Variants in MTUS2 observed in about 807,000 individuals in gnomAD.
MTUS2 encodes the protein microtubule associated scaffold protein 2, also known as microtubule-associated tumor suppressor candidate 2.
MTUS2 carries 40 observed loss-of-function variants against 114.1 expected under a neutral mutation model. That is an observed-to-expected ratio of 0.35 (90% confidence interval 0.27 to 0.46). MTUS2 has a LOEUF of 0.46. MTUS2 is among the 20% of genes least tolerant of loss of function. MTUS2 has a pLI of 1.00. For missense variants in MTUS2, 1,679 were observed against 1,705.4 expected (o/e 0.98, Z 0.27); for synonymous variants, 688 against 672.0 (o/e 1.02, Z -0.37).
chr13:28,971,867 T>A (rs1242127141), intron 2 of MTUS2, among the ~76,000 whole-genome samples: 1 of 152,222 alleles, frequency 6.6e-6, no homozygotes, highest in Non-Finnish European at 1.5e-5. Context: ...CCATTTTTCA[T>A]GTTTTCTGCC....
intron 2 of MTUS2, among the ~76,000 whole-genome samples, chr13:28,901,490 G>A (rs924139691): frequency 6.6e-6 from 1 of 152,198 alleles, no homozygotes; most frequent in South Asian, 2.1e-4. Flanking sequence ...AAATTTTCAG[G>A]TCTCACATGT....
intron 5 of MTUS2, among the ~76,000 whole-genome samples, chr13:29,118,235 G>C (rs1891169577): frequency 6.6e-6 from 1 of 151,808 alleles, no homozygotes; most frequent in Non-Finnish European, 1.5e-5. Context: ...GCCTAGAATA[G>C]TGATACTGGC....
At chr13:29,212,780 C>T (rs1371854687) in intron 5 of MTUS2, among the ~76,000 whole-genome samples, 2 of 152,272 alleles carry the variant, frequency 1.3e-5, no homozygotes, top group South Asian at 2.1e-4. Context: ...GGTTGCTCCA[C>T]CCTATTGATA....
In MTUS2 at chr13:29,477,021, T is replaced by G. The variant is rs372117908; in HGVS notation, c.3185-3129T>G. 3.3e-5 allele frequency: 5 copies of G among 152,340 alleles called. No individual in the cohort carries two copies. In the South Asian group the frequency reaches 6.2e-4, roughly 19 times the overall value. 9.4% of individuals were successfully genotyped at this position (152,340 alleles called of 1,614,324 possible). Reference sequence around the variant, plus strand: ...ATGATACGTGAGGCAAAAGCCACTATGAAGCTACTGCACATTGAATTTTAG... The same window carrying G: ...ATGATACGTGAGGCAAAAGCCACTAGGAAGCTACTGCACATTGAATTTTAG... On this transcript the variant is annotated intron_variant, in intron 9 of 15. Transcript: ENST00000612955.
chr13:29,000,377 A>G (rs1035427192), intron 2 of MTUS2, among the ~76,000 whole-genome samples: 1 of 150,510 alleles, frequency 6.6e-6, no homozygotes, highest in African/African-American at 2.4e-5. Context: ...TTTCTTTTTT[A>G]TTGAGTTGGA....
intron 8 of MTUS2, among the ~76,000 whole-genome samples, chr13:29,388,851 A>G (rs1872814030): frequency 6.6e-6 from 1 of 151,970 alleles, no homozygotes; most frequent in Non-Finnish European, 1.5e-5. Context: ...ATGATTTTTG[A>G]TGGGCCCATT....
intron 4 of MTUS2, among the ~76,000 whole-genome samples, chr13:29,049,836 GT>G (rs1887808276): frequency 6.6e-6 from 1 of 152,222 alleles, no homozygotes; most frequent in African/African-American, 2.4e-5. Flanking sequence ...TAGTCAACCA[GT>G]GAGTGTGGTG....
intron 2 of MTUS2, among the ~76,000 whole-genome samples, chr13:28,975,960 G>A (rs1436941411): frequency 6.6e-6 from 1 of 152,184 alleles, no homozygotes; most frequent in African/African-American, 2.4e-5. Flanking sequence ...GGTGGGCACA[G>A]GCAGCAATGA....
chr13:29,446,823 C>T (rs1878319786), intron 9 of MTUS2, among the ~76,000 whole-genome samples: 1 of 152,172 alleles, frequency 6.6e-6, no homozygotes, highest in Admixed American at 6.5e-5. Flanking sequence ...CACACATACA[C>T]ACAAATGAGA....
chr13:29,002,897 G>A (rs970134271), intron 2 of MTUS2, among the ~76,000 whole-genome samples: 1 of 152,192 alleles, frequency 6.6e-6, no homozygotes, highest in Non-Finnish European at 1.5e-5. Flanking sequence ...TAGTTCCCCA[G>A]TGATGCTAGG....
intron 2 of MTUS2, among the ~76,000 whole-genome samples, chr13:28,969,585 A>G (rs1883760191): frequency 6.7e-6 from 1 of 150,050 alleles, no homozygotes; most frequent in Non-Finnish European, 1.5e-5. Flanking sequence ...TCACTGCCAC[A>G]TCCGCCTCCC....
intron 1 of MTUS2, among the ~76,000 whole-genome samples, chr13:28,824,479 G>A (rs2105300): frequency 0.5 from 75,221 of 151,868 alleles, 19,254 homozygotes; most frequent in Non-Finnish European, 0.53. Flanking sequence ...GTAATGTTCT[G>A]TGTCCTTGAC....
intron 9 of MTUS2, among the ~76,000 whole-genome samples, chr13:29,465,749 T>G (rs1179331201): frequency 6.6e-6 from 1 of 152,216 alleles, no homozygotes; most frequent in Non-Finnish European, 1.5e-5. Context: ...CCAGCCGGCA[T>G]GCTGGGGGCT....
intron 6 of MTUS2, among the ~76,000 whole-genome samples, chr13:29,300,399 A>G (rs1804873515): frequency 6.6e-6 from 1 of 152,158 alleles, no homozygotes; most frequent in African/African-American, 2.4e-5. Flanking sequence ...TTGAGGAGCT[A>G]TGGGAGCTTG....
chr13:28,904,335 A>T (rs1251939449), intron 2 of MTUS2, among the ~76,000 whole-genome samples: 1 of 152,124 alleles, frequency 6.6e-6, no homozygotes, highest in Non-Finnish European at 1.5e-5. Flanking sequence ...GCCCATGCCT[A>T]TGTCCTGAAT....
At chr13:28,861,417 C>T (rs1876970944) in intron 2 of MTUS2, among the ~76,000 whole-genome samples, 1 of 149,172 alleles carries the variant, frequency 6.7e-6, no homozygotes, top group Non-Finnish European at 1.5e-5. Flanking sequence ...GGCATGTAGC[C>T]CTTCTGAGCC....
chr13:28,830,789 CAT>C (rs1449429900), intron 1 of MTUS2, among the ~76,000 whole-genome samples: 2 of 152,028 alleles, frequency 1.3e-5, no homozygotes, highest in Non-Finnish European at 2.9e-5. Context: ...AGTGAGTAAT[CAT>C]GTACAGAGGA....
At position 28,962,522 on chromosome 13, in the gene MTUS2, A is replaced by G. The variant is rs977826318; in HGVS notation, c.-242-61935A>G. On this transcript the variant is annotated intron_variant, in intron 2 of 15. Transcript: ENST00000612955. The stretch of plus-strand genomic sequence containing the variant: ...AGGTATATCTTTAACATAGCTTTGT[A>G]GATGGCAGGTCACTCTGAGGAATTA... 3.9e-5 allele frequency among the ~76,000 whole-genome samples: 6 copies of G among 152,186 alleles called. No homozygotes were observed. The East Asian group carries it at 7.7e-4, about 20-fold the overall frequency.
At chr13:29,442,368 A>C (rs1315542400) in intron 9 of MTUS2, among the ~76,000 whole-genome samples, 1 of 152,186 alleles carries the variant, frequency 6.6e-6, no homozygotes, top group Admixed American at 6.5e-5. Context: ...ACTGAACATA[A>C]ATGGAAAGAA....
Sources: allele counts gnomAD v4.1 joint callset (sites outside exome capture counted in the v4.1 genomes callset), GRCh38; gene constraint gnomAD v4.1.1; transcripts MANE v1.5; gene names NCBI Gene and HGNC (gene_info 2026-07-23, HGNC 2026-07-21).